PNPT1: variants seen among roughly 807,000 people sequenced by gnomAD.
The protein encoded by PNPT1 is polyribonucleotide nucleotidyltransferase 1, also known as polyribonucleotide nucleotidyltransferase 1, mitochondrial.
PNPT1 carries 53 observed loss-of-function variants against 119.5 expected under a neutral mutation model. That is an observed-to-expected ratio of 0.44 (90% CI 0.36 to 0.56). PNPT1 has a LOEUF of 0.56. Ranked by LOEUF, PNPT1 falls within the 20% of genes least tolerant of loss-of-function variation. The pLI is 0.00. For missense variants in PNPT1, 948 were observed against 938.5 expected (o/e 1.01, Z -0.13); for synonymous variants, 357 against 322.1 (o/e 1.11, Z -1.16).
In PNPT1 at chr2:55,635,113, TTTAC is replaced by T. The variant is rs1695626359; in HGVS notation, c.*1120_*1123del. The T allele has an allele frequency of 6.6e-6, 1 of 152,138 alleles. No homozygotes were observed. The highest frequency in any genetic ancestry group is 2.4e-5 in the African/African-American group (1 of 41,410). 9.4% of individuals were successfully genotyped at this position (152,138 alleles called of 1,614,324 possible). ...TCTAAATTATGACGTCCACATACCA[TTTAC>T]TTTTCTGTGGAATTATAAGGTGATA... is the stretch of plus-strand genomic sequence containing the variant. On this transcript the variant is annotated 3_prime_UTR_variant, in exon 28 of 28. Coordinates refer to ENST00000447944, the MANE Select transcript of PNPT1 (RefSeq NM_033109.5).
At chr2:55,651,342 G>A (rs1323071386) in intron 18 of PNPT1, among the ~76,000 whole-genome samples, 4 of 152,150 alleles carry the variant, frequency 2.6e-5, no homozygotes, top group Non-Finnish European at 5.9e-5. Flanking sequence ...AGGGGGGAAA[G>A]GTGGGGAAAA....
chr2:55,654,816 G>A (rs1158133640), intron 18 of PNPT1, 84 bp downstream of exon 18: 1 of 1,275,978 alleles, frequency 7.8e-7, no homozygotes, highest in Non-Finnish European at 1.1e-6. Context: ...CCTCAAGTGA[G>A]CCTCCTGCCT....
Position 55,654,192 on chromosome 2 carries a change from G to A in PNPT1, c.1495+708C>T, listed in dbSNP as rs186137628. Among the ~76,000 whole-genome samples the A allele has an allele frequency of 8.1e-4, 123 of 151,450 alleles. No homozygotes were observed. In the East Asian group the frequency reaches 0.016, roughly 19 times the overall value. ...GAATCACTTGAACCTGGGAGGCGGAGGTTGCAGTGAGCCGAGACTGCACCA... is the reference window on the plus strand; with the variant it reads ...GAATCACTTGAACCTGGGAGGCGGAAGTTGCAGTGAGCCGAGACTGCACCA... On this transcript the variant is annotated intron_variant, in intron 18 of 27. Coordinates refer to ENST00000447944, the MANE Select transcript of PNPT1 (RefSeq NM_033109.5).
chr2:55,675,260 T>G (rs706549), intron 8 of PNPT1, among the ~76,000 whole-genome samples: 5 of 151,444 alleles, frequency 3.3e-5, no homozygotes, highest in African/African-American at 4.9e-5. Context: ...GTCTGGACAA[T>G]AGAGTTGAGG....
At chr2:55,688,626 G>A (rs1367857061) in intron 1 of PNPT1, among the ~76,000 whole-genome samples, 2 of 152,018 alleles carry the variant, frequency 1.3e-5, no homozygotes, top group Non-Finnish European at 2.9e-5. Flanking sequence ...CAAGGAGGCC[G>A]AGGCAAGAGA....
chr2:55,654,542 T>C (rs905692371), intron 18 of PNPT1, among the ~76,000 whole-genome samples: 3 of 152,160 alleles, frequency 2.0e-5, no homozygotes, highest in African/African-American at 7.2e-5. Context: ...CCAATGCAAA[T>C]AAAAATTTTT....
chr2:55,676,132 C>T (rs10182131), intron 8 of PNPT1, among the ~76,000 whole-genome samples: 22,203 of 151,542 alleles, frequency 0.15, 3,025 homozygotes, highest in African/African-American at 0.36. Flanking sequence ...TGGTGGTGCA[C>T]GCCTGTAGTC....
At chr2:55,646,566 A>C (rs753335787) in intron 19 of PNPT1, 80 bp from the exon 20 acceptor site, 95 of 1,168,920 alleles carry the variant, frequency 8.1e-5, no homozygotes, top group Non-Finnish European at 1.1e-4. Flanking sequence ...CATTTCAAAA[A>C]ACAGCTTTAG....
intron 1 of PNPT1, among the ~76,000 whole-genome samples, chr2:55,688,890 T>C (rs1346923552): frequency 6.6e-6 from 1 of 151,818 alleles, no homozygotes; most frequent in African/African-American, 2.4e-5. Flanking sequence ...GAGGAAAGAG[T>C]AGCCTTTTGA....
At chr2:55,689,644 A>T (rs1385595500) in intron 1 of PNPT1, among the ~76,000 whole-genome samples, 1 of 152,226 alleles carries the variant, frequency 6.6e-6, no homozygotes, top group Non-Finnish European at 1.5e-5. Context: ...TATTCATAAT[A>T]GGCAAATCCA....
chr2:55,644,509 C>A, intron 23 of PNPT1, 128 bp downstream of exon 23: 1 of 599,872 alleles, frequency 1.7e-6, no homozygotes, highest in Non-Finnish European at 2.7e-6. Context: ...ACGTCATATC[C>A]TTTTCTCCTG....
chr2:55,683,843 A>AG lies in PNPT1; in HGVS notation c.404-10dup, dbSNP rs1271156165. On this transcript the variant is annotated splice_polypyrimidine_tract_variant and intron_variant, in intron 4 of 27. Transcript: ENST00000447944. Reference sequence around the variant, plus strand: ...CGGTCTAATTGAACGATCTGCCAAAAGAAAAAAAAACACATTAAACCGTAC... The same window carrying AG: ...CGGTCTAATTGAACGATCTGCCAAAAGGAAAAAAAAACACATTAAACCGTAC... 1 of 1,613,410 alleles carries AG rather than the reference A, an allele frequency of 6.2e-7. No individual in the cohort carries two copies.
chr2:55,666,021 T>C (rs1211132931), intron 13 of PNPT1, among the ~76,000 whole-genome samples: 1 of 152,166 alleles, frequency 6.6e-6, no homozygotes, highest in African/African-American at 2.4e-5. Context: ...AATGAGGGCC[T>C]TGAACAGGTC....
chr2:55,671,186 C>T, intron 11 of PNPT1, 133 bp downstream of exon 11: 1 of 460,588 alleles, frequency 2.2e-6, no homozygotes, highest in Non-Finnish European at 3.8e-6. Flanking sequence ...GTTGAAAGTC[C>T]TTTGAATTCT....
chr2:55,687,486 T>C lies in PNPT1; in HGVS notation c.222+159A>G, dbSNP rs809732. 0.44 allele frequency among the ~76,000 whole-genome samples: 66,927 copies of C among 151,662 alleles called. 15,569 individuals are homozygous for C. Among genetic ancestry groups the C allele is most frequent in the Non-Finnish European group, 0.51 (34,566 of 67,904 alleles). ...ATACATGCAGTGCTCTGGACTCTGG[T>C]TGTCTGGAATGATTCTTGCAGTAGA... On this transcript the variant is annotated intron_variant, in intron 2 of 27. Transcript: ENST00000447944.
chr2:55,662,434 T>G (rs931359563), intron 13 of PNPT1, among the ~76,000 whole-genome samples: 1 of 152,112 alleles, frequency 6.6e-6, no homozygotes, highest in Non-Finnish European at 1.5e-5. Context: ...CCCAGCACTT[T>G]GGGAGGCTGA....
At chr2:55,648,479 C>T (rs1275425184) in intron 18 of PNPT1, among the ~76,000 whole-genome samples, 2 of 152,142 alleles carry the variant, frequency 1.3e-5, no homozygotes, top group Non-Finnish European at 2.9e-5. Context: ...ATATGCTACT[C>T]TATATTCTTA....
chr2:55,649,297 T>G (rs1472853385), intron 18 of PNPT1, among the ~76,000 whole-genome samples: 2 of 152,192 alleles, frequency 1.3e-5, no homozygotes, highest in Non-Finnish European at 2.9e-5. Context: ...ATGATGATGA[T>G]GAAAGAAATA....
intron 13 of PNPT1, among the ~76,000 whole-genome samples, chr2:55,663,529 T>C (rs1475725035): frequency 6.6e-6 from 1 of 152,200 alleles, no homozygotes; most frequent in African/African-American, 2.4e-5. Context: ...AGGACACTTT[T>C]AGCAGGATAA....
Sources: gnomAD v4.1 joint callset for allele counts (sites outside exome capture counted in the v4.1 genomes callset) on GRCh38, gnomAD v4.1.1 for gene constraint, MANE v1.5 for transcripts, NCBI Gene and HGNC (gene_info 2026-07-23, HGNC 2026-07-21) for gene names.